Variants in PTPRN2 observed in about 807,000 individuals in gnomAD.
The protein encoded by PTPRN2 is protein tyrosine phosphatase receptor type N2.
A neutral mutation model predicts 118.8 loss-of-function variants in PTPRN2; 74 were observed. That is an observed-to-expected ratio of 0.62 (90% CI 0.52 to 0.76). The LOEUF is 0.76. PTPRN2 is among the 30% of genes least tolerant of loss of function. The pLI is 0.00. For synonymous variants in PTPRN2, 641 were observed against 608.0 expected (o/e 1.05, Z -0.80); for missense variants, 1,481 against 1,394.4 (o/e 1.06, Z -0.99).
chr7:158,528,501 G>A (rs1383460495), intron 1 of PTPRN2, among the ~76,000 whole-genome samples: 3 of 152,044 alleles, frequency 2.0e-5, no homozygotes, highest in African/African-American at 4.8e-5. Context: ...AACCACGCAT[G>A]CTGGGCCAGG....
chr7:158,506,911 G>C (rs532780249), intron 1 of PTPRN2, among the ~76,000 whole-genome samples: 1 of 152,188 alleles, frequency 6.6e-6, no homozygotes, highest in Non-Finnish European at 1.5e-5. Flanking sequence ...AGCCCAGCCC[G>C]GAGCAGCCAC....
rs542658952 is a variant in PTPRN2 at position 158,150,649 on chromosome 7, C to A, written c.911-12134G>T. Reference sequence around the variant, plus strand: ...CATCTCCTGCCCCTCTAATTCCACCCTTGTGAACATAACCCAGGGGGGTCA... The same window carrying A: ...CATCTCCTGCCCCTCTAATTCCACCATTGTGAACATAACCCAGGGGGGTCA... On this transcript the variant is annotated intron_variant, in intron 6 of 22. Transcript: ENST00000389418. Among the ~76,000 whole-genome samples, 158 of 152,258 alleles carry A rather than the reference C, an allele frequency of 1.0e-3. 1 individual carries two copies. The highest frequency in any genetic ancestry group is 2.7e-3 in the Admixed American group (41 of 15,298).
intron 11 of PTPRN2, among the ~76,000 whole-genome samples, chr7:157,989,783 T>A (rs1228622213): frequency 6.6e-6 from 1 of 152,014 alleles, no homozygotes; most frequent in African/African-American, 2.4e-5. Context: ...GGGGCTCAGG[T>A]AACTCAAGGG....
At chr7:157,692,256 G>A (rs1192469761) in intron 12 of PTPRN2, among the ~76,000 whole-genome samples, 1 of 151,914 alleles carries the variant, frequency 6.6e-6, no homozygotes, top group Non-Finnish European at 1.5e-5. Context: ...CGCGGCGCCC[G>A]CTCCCGGCCC....
intron 12 of PTPRN2, among the ~76,000 whole-genome samples, chr7:157,748,787 GA>G (rs1563068542): frequency 8.0e-3 from 358 of 44,636 alleles, no homozygotes; most frequent in Admixed American, 0.013. Context: ...GTGGGCTGTT[GA>G]GGTGATTCTG....
intron 21 of PTPRN2, among the ~76,000 whole-genome samples, chr7:157,565,329 C>T (rs529429939): frequency 7.9e-5 from 12 of 152,334 alleles, no homozygotes; most frequent in South Asian, 4.1e-4. Context: ...GCTCACAAGC[C>T]GTGGGGATTC....
chr7:157,575,134 T>G (rs1358797215), intron 19 of PTPRN2, among the ~76,000 whole-genome samples: 1 of 152,232 alleles, frequency 6.6e-6, no homozygotes, highest in Non-Finnish European at 1.5e-5. Flanking sequence ...CATAGCAACG[T>G]GCCCATATGC....
intron 3 of PTPRN2, among the ~76,000 whole-genome samples, chr7:158,214,375 G>A (rs372727015): frequency 1.3e-5 from 2 of 148,882 alleles, no homozygotes; most frequent in Non-Finnish European, 3.0e-5. Flanking sequence ...CAAAGAGGCC[G>A]CAATCCGGAA....
intron 12 of PTPRN2, among the ~76,000 whole-genome samples, chr7:157,803,114 G>A (rs1274292554): frequency 3.3e-5 from 5 of 151,980 alleles, no homozygotes; most frequent in East Asian, 1.9e-4. Flanking sequence ...ACGGGTGCCC[G>A]CCATCACACC....
At chr7:158,391,162 C>T (rs991024423) in intron 2 of PTPRN2, among the ~76,000 whole-genome samples, 1 of 152,238 alleles carries the variant, frequency 6.6e-6, no homozygotes, top group African/African-American at 2.4e-5. Context: ...AACACCCTAA[C>T]CCAGCAGCTG....
At chr7:157,549,117 G>T in intron 21 of PTPRN2, 98 bp from the exon 22 acceptor site, 2 of 1,207,848 alleles carry the variant, frequency 1.7e-6, no homozygotes, top group Non-Finnish European at 2.5e-6. Context: ...GGGCTGAGAG[G>T]CCAATTGAAA....
chr7:157,584,616 C>A (rs946436955), intron 17 of PTPRN2, among the ~76,000 whole-genome samples: 7 of 152,272 alleles, frequency 4.6e-5, no homozygotes, highest in African/African-American at 1.7e-4. Context: ...CGCAATTCTG[C>A]TGCACAGCTC....
chr7:158,090,001 A>G (rs1441349841), intron 10 of PTPRN2, among the ~76,000 whole-genome samples: 4 of 41,864 alleles, frequency 9.6e-5, no homozygotes, highest in African/African-American at 1.8e-4. Flanking sequence ...TCCCCTGACG[A>G]AAGAGGGAGT....
In PTPRN2 at chr7:158,305,300, C is replaced by T. The variant is rs369987312; in HGVS notation, c.277+11519G>A. Among the ~76,000 whole-genome samples, 128 of 151,952 alleles carry T rather than the reference C, an allele frequency of 8.4e-4. 1 individual carries two copies. The highest frequency in any genetic ancestry group is 2.7e-3 in the African/African-American group (112 of 41,398). The stretch of plus-strand genomic sequence containing the variant: ...TTTCCTTCAGTGCAGAGGAATCCAA[C>T]GGATATTTTTAACAAGGAAAGGACA... On this transcript the variant is annotated intron_variant, in intron 3 of 22. Coordinates refer to ENST00000389418, the MANE Select transcript of PTPRN2 (RefSeq NM_002847.5).
At chr7:158,292,464 A>G (rs1800184852) in intron 3 of PTPRN2, among the ~76,000 whole-genome samples, 1 of 152,270 alleles carries the variant, frequency 6.6e-6, no homozygotes, top group African/African-American at 2.4e-5. Flanking sequence ...AAGCTTTTAA[A>G]GCATTCACAG....
chr7:158,355,088 AAAG>A (rs1238353628), intron 2 of PTPRN2, among the ~76,000 whole-genome samples: 5 of 152,264 alleles, frequency 3.3e-5, no homozygotes, highest in Admixed American at 2.6e-4. Context: ...CTTCAAATAC[AAAG>A]AAGAGATAAA....
intron 3 of PTPRN2, among the ~76,000 whole-genome samples, chr7:158,301,531 G>T (rs1800892468): frequency 6.6e-6 from 1 of 152,200 alleles, no homozygotes; most frequent in South Asian, 2.1e-4. Context: ...AGCTCTTGCT[G>T]GTTTGAGTTA....
intron 11 of PTPRN2, among the ~76,000 whole-genome samples, chr7:158,008,076 TGTGTGG>T (rs886371303): frequency 1.3e-4 from 14 of 105,284 alleles, no homozygotes; most frequent in African/African-American, 3.5e-4. Flanking sequence ...GGGTGTGCTG[TGTGTGG>T]GTGTGGGTGT....
chr7:158,450,526 AC>A (rs973911549), intron 2 of PTPRN2, among the ~76,000 whole-genome samples: 2 of 152,060 alleles, frequency 1.3e-5, no homozygotes, highest in Non-Finnish European at 2.9e-5. Flanking sequence ...AGCAGCTGGA[AC>A]CCCCACCCCT....
Sources: gnomAD v4.1 joint callset for allele counts (sites outside exome capture counted in the v4.1 genomes callset) on GRCh38, gnomAD v4.1.1 for gene constraint, MANE v1.5 for transcripts, NCBI Gene and HGNC (gene_info 2026-07-23, HGNC 2026-07-21) for gene names.